Variants in SNTG1 observed in about 807,000 individuals in gnomAD.
SNTG1 encodes syntrophin gamma 1, also known as gamma-1-syntrophin.
In SNTG1, 39 loss-of-function variants were observed where a neutral mutation model predicts 74.7. The observed-to-expected ratio is 0.52, with a 90% CI of 0.40 to 0.68. The LOEUF is 0.68. Among genes scored for constraint, SNTG1 ranks in the 30% least tolerant of loss-of-function variants. The pLI, the probability that SNTG1 is intolerant of heterozygous loss-of-function variation, is 0.00. For missense variants in SNTG1, 685 were observed against 609.5 expected (o/e 1.12, Z -1.30); for synonymous variants, 254 against 217.1 (o/e 1.17, Z -1.49).
At chr8:50,443,187 C>T (rs1011167037) in intron 5 of SNTG1, among the ~76,000 whole-genome samples, 6 of 152,158 alleles carry the variant, frequency 3.9e-5, no homozygotes, top group African/African-American at 1.4e-4. Flanking sequence ...TCGTCTTGCC[C>T]TTGTGAGGCT....
chr8:50,795,667 G>A lies in SNTG1; in HGVS notation c.*2838G>A, dbSNP rs1802778119. ...AATGGAGAATATTGTAGGTATTTAG[G>A]TCAGAGAATGAAGTTCAAAGTCATT... On this transcript the variant is annotated 3_prime_UTR_variant, in exon 19 of 19. Coordinates refer to ENST00000642720, the MANE Select transcript of SNTG1 (RefSeq NM_018967.5). The A allele has an allele frequency of 6.6e-6, 1 of 151,938 alleles. No homozygotes were observed. Among genetic ancestry groups the A allele is most frequent in the South Asian group, 2.1e-4 (1 of 4,822 alleles). 9.4% of individuals were successfully genotyped at this position (151,938 alleles called of 1,614,324 possible). A position where few individuals can be genotyped will look rare whatever the true frequency, so the allele number is the denominator to read the frequency against.
chr8:50,308,571 C>T (rs939459834), intron 2 of SNTG1, among the ~76,000 whole-genome samples: 3 of 152,136 alleles, frequency 2.0e-5, no homozygotes, highest in Non-Finnish European at 4.4e-5. Context: ...ATTGTCACCA[C>T]CTCCATCTTC....
At chr8:50,634,556 C>T (rs2095026389) in intron 13 of SNTG1, among the ~76,000 whole-genome samples, 1 of 152,132 alleles carries the variant, frequency 6.6e-6, no homozygotes, top group African/African-American at 2.4e-5. Flanking sequence ...CCTGTGTACC[C>T]TTTACCTAGT....
intron 4 of SNTG1, among the ~76,000 whole-genome samples, chr8:50,437,702 T>A (rs1392481667): frequency 6.6e-6 from 1 of 152,152 alleles, no homozygotes; most frequent in Admixed American, 6.5e-5. Context: ...AGGGGAATGT[T>A]CAAAAAGATT....
At chr8:50,312,439 A>G (rs2090151661) in intron 2 of SNTG1, among the ~76,000 whole-genome samples, 1 of 150,660 alleles carries the variant, frequency 6.6e-6, no homozygotes, top group Non-Finnish European at 1.5e-5. Context: ...AAAACATAAT[A>G]TTTTTATGCA....
At chr8:50,155,915 A>G (rs2082239183) in intron 1 of SNTG1, among the ~76,000 whole-genome samples, 1 of 152,028 alleles carries the variant, frequency 6.6e-6, no homozygotes, top group Non-Finnish European at 1.5e-5. Flanking sequence ...AAATAAACAG[A>G]AAAATCACAA....
intron 2 of SNTG1, among the ~76,000 whole-genome samples, chr8:50,209,448 A>G (rs1233174669): frequency 6.6e-6 from 1 of 152,204 alleles, no homozygotes; most frequent in African/African-American, 2.4e-5. Context: ...ACCTCTGAGT[A>G]GCCTAACTGG....
intron 1 of SNTG1, among the ~76,000 whole-genome samples, chr8:50,103,402 A>C (rs1369825049): frequency 6.6e-6 from 1 of 152,128 alleles, no homozygotes; most frequent in Non-Finnish European, 1.5e-5. Context: ...ATTTTTGTAC[A>C]TTGATTTTGT....
chr8:50,409,451 A>T (rs1374786324), intron 4 of SNTG1, among the ~76,000 whole-genome samples: 1 of 152,356 alleles, frequency 6.6e-6, no homozygotes, highest in South Asian at 2.1e-4. Context: ...TTCATCTGTG[A>T]TCATTTAAAA....
intron 1 of SNTG1, among the ~76,000 whole-genome samples, chr8:50,054,143 T>C (rs550636975): frequency 1.9e-4 from 29 of 152,206 alleles, no homozygotes; most frequent in African/African-American, 5.3e-4. Flanking sequence ...AATTTCAGCA[T>C]TGGGTCTCTG....
chr8:50,503,733 T>C (rs916960033), intron 9 of SNTG1, among the ~76,000 whole-genome samples: 4 of 152,236 alleles, frequency 2.6e-5, no homozygotes, highest in African/African-American at 9.6e-5. Flanking sequence ...TATTTTGCTG[T>C]TTATTATTCC....
intron 5 of SNTG1, among the ~76,000 whole-genome samples, chr8:50,440,106 T>G (rs1467647141): frequency 6.6e-6 from 1 of 151,656 alleles, no homozygotes; most frequent in Non-Finnish European, 1.5e-5. Context: ...ATATAATAAA[T>G]AGAATATTTT....
chr8:50,181,102 C>G (rs925404671), intron 2 of SNTG1, among the ~76,000 whole-genome samples: 1 of 152,102 alleles, frequency 6.6e-6, no homozygotes, highest in Admixed American at 6.6e-5. Flanking sequence ...TACTCCATTG[C>G]CAAGAGTACT....
rs34249782 is a variant in SNTG1, at chr8:50,005,574, C to A, written c.-103+93343C>A. ...TTATTGAAAATAAACTAAAAATATG[C>A]AATAAGGGTTACTATATACATACAA... On this transcript the variant is annotated intron_variant, in intron 1 of 18. Transcript: ENST00000642720. Among the ~76,000 whole-genome samples, 4 of 151,852 alleles carry A rather than the reference C, an allele frequency of 2.6e-5. No homozygotes were observed. In the East Asian group the frequency reaches 7.8e-4, roughly 29 times the overall value.
At chr8:49,918,583 T>A (rs957657647) in intron 1 of SNTG1, among the ~76,000 whole-genome samples, 1 of 151,528 alleles carries the variant, frequency 6.6e-6, no homozygotes, top group African/African-American at 2.4e-5. Flanking sequence ...CTATAGAATA[T>A]TCTGTTGGAT....
intron 2 of SNTG1, among the ~76,000 whole-genome samples, chr8:50,208,964 G>T (rs2084379525): frequency 1.3e-5 from 2 of 152,156 alleles, no homozygotes; most frequent in African/African-American, 4.8e-5. Context: ...CAAGGGGTCT[G>T]GGAATTCCCT....
At chr8:50,753,859 TCAG>T (rs1022676791) in intron 18 of SNTG1, among the ~76,000 whole-genome samples, 1 of 151,930 alleles carries the variant, frequency 6.6e-6, no homozygotes, top group Non-Finnish European at 1.5e-5. Flanking sequence ...TTCTTTAAAG[TCAG>T]CATCTCCCTT....
intron 2 of SNTG1, among the ~76,000 whole-genome samples, chr8:50,392,168 A>G (rs2092671326): frequency 6.6e-6 from 1 of 152,230 alleles, no homozygotes; most frequent in Non-Finnish European, 1.5e-5. Context: ...TGACATAATC[A>G]TATAAGATGC....
intron 18 of SNTG1, among the ~76,000 whole-genome samples, chr8:50,761,828 A>T (rs2095599830): frequency 6.6e-6 from 1 of 151,996 alleles, no homozygotes; most frequent in African/African-American, 2.4e-5. Flanking sequence ...TGAAGAATTC[A>T]AGAATGAAGT....
Sources: gnomAD v4.1 joint callset for allele counts (sites outside exome capture counted in the v4.1 genomes callset) on GRCh38, gnomAD v4.1.1 for gene constraint, MANE v1.5 for transcripts, NCBI Gene and HGNC (gene_info 2026-07-23, HGNC 2026-07-21) for gene names.